The following SUGCT variants were observed in gnomAD, a reference collection of about 807,000 sequenced individuals.
SUGCT encodes the protein succinyl-CoA:glutarate CoA-transferase.
A neutral mutation model predicts 55.0 loss-of-function variants in SUGCT; 41 were observed. The observed-to-expected ratio is 0.74, with a 90% CI of 0.58 to 0.97. The LOEUF (loss-of-function observed/expected upper bound fraction) is 0.97, where lower values mean the gene tolerates loss of function less well. Ranked by LOEUF, SUGCT falls within the 50% of genes least tolerant of loss-of-function variation. The probability of loss-of-function intolerance (pLI) is 0.00; values close to 1 mark genes in which losing one functional copy is unlikely to be tolerated. For synonymous variants in SUGCT, 187 were observed against 200.4 expected, an observed-to-expected ratio of 0.93 and a Z score of 0.56; for missense variants, 568 against 547.8, an observed-to-expected ratio of 1.04 and a Z score of -0.37.
intron 9 of SUGCT, among the ~76,000 whole-genome samples, chr7:40,343,280 A>G (rs1199525559): frequency 6.6e-6 from 1 of 152,206 alleles, no homozygotes; most frequent in East Asian, 1.9e-4. Context: ...AATTACTTAT[A>G]TAATGTTAAT....
chr7:40,756,535 TTAGG>T (rs1373242975), intron 13 of SUGCT, among the ~76,000 whole-genome samples: 1 of 152,182 alleles, frequency 6.6e-6, no homozygotes, highest in Non-Finnish European at 1.5e-5. Flanking sequence ...TTTCTTCTCT[TTAGG>T]TAGAAAATTA....
intron 12 of SUGCT, among the ~76,000 whole-genome samples, chr7:40,556,682 C>T (rs1795576896): frequency 6.6e-6 from 1 of 152,178 alleles, no homozygotes; most frequent in African/African-American, 2.4e-5. Context: ...ATTATCTAAC[C>T]TTTTTGTGCT....
the SUGCT span, among the ~76,000 whole-genome samples, chr7:40,905,117 GTTGT>G: frequency 6.6e-6 from 1 of 152,134 alleles, no homozygotes; most frequent in East Asian, 1.9e-4. Context: ...ATCACTCATA[GTTGT>G]TTGAGAACTT....
At chr7:40,433,116 A>T (rs4434532) in intron 9 of SUGCT, among the ~76,000 whole-genome samples, 16,965 of 152,046 alleles carry the variant, frequency 0.11, 1,405 homozygotes, top group East Asian at 0.48. Flanking sequence ...TTTCCAATTT[A>T]GGGATTGTTT....
At chr7:40,770,726 A>G (rs1349067084) in intron 13 of SUGCT, among the ~76,000 whole-genome samples, 1 of 152,128 alleles carries the variant, frequency 6.6e-6, no homozygotes, top group African/African-American at 2.4e-5. Flanking sequence ...AATGGACAAC[A>G]AACCATATCT....
At chr7:40,447,419 T>C (rs1788900668) in intron 9 of SUGCT, among the ~76,000 whole-genome samples, 1 of 151,930 alleles carries the variant, frequency 6.6e-6, no homozygotes, top group African/African-American at 2.4e-5. Context: ...ATAAGAGACT[T>C]TCATGGAGGA....
chr7:40,185,480 C>T (rs79552849), intron 3 of SUGCT, among the ~76,000 whole-genome samples: 2,146 of 152,170 alleles, frequency 0.014, 43 homozygotes, highest in African/African-American at 0.05. Flanking sequence ...TATGTCTCAT[C>T]GCCATACACT....
At chr7:41,035,263 T>C in the SUGCT span, among the ~76,000 whole-genome samples, 1 of 152,200 alleles carries the variant, frequency 6.6e-6, no homozygotes, top group Admixed American at 6.5e-5. Context: ...CCAAATAAGA[T>C]GAATAGCAGG....
chr7:40,933,746 G>A, the SUGCT span, among the ~76,000 whole-genome samples: 1 of 152,150 alleles, frequency 6.6e-6, no homozygotes, highest in Non-Finnish European at 1.5e-5. Flanking sequence ...GCTCGTGCAT[G>A]CATCACAAAG....
chr7:40,278,457 C>G (rs559093518), intron 8 of SUGCT, among the ~76,000 whole-genome samples: 1 of 152,276 alleles, frequency 6.6e-6, no homozygotes, highest in South Asian at 2.1e-4. Context: ...AATCATGCTG[C>G]TATAAAGACA....
At chr7:40,428,095 C>T (rs1291577543) in intron 9 of SUGCT, among the ~76,000 whole-genome samples, 1 of 152,082 alleles carries the variant, frequency 6.6e-6, no homozygotes, top group African/African-American at 2.4e-5. Flanking sequence ...CTGTATCTTC[C>T]TGATAAATTG....
the SUGCT span, among the ~76,000 whole-genome samples, chr7:40,961,261 C>G: frequency 2.6e-5 from 4 of 152,160 alleles, no homozygotes; most frequent in Non-Finnish European, 4.4e-5. Context: ...ATATGTAGGC[C>G]CTTTCTAAGG....
At chr7:40,450,855 G>C (rs1789154294) in intron 10 of SUGCT, among the ~76,000 whole-genome samples, 1 of 151,992 alleles carries the variant, frequency 6.6e-6, no homozygotes, top group Non-Finnish European at 1.5e-5. Flanking sequence ...ACTTATTACT[G>C]TGCCTCTTTT....
intron 9 of SUGCT, among the ~76,000 whole-genome samples, chr7:40,385,889 T>C (rs982011937): frequency 1.7e-4 from 26 of 152,242 alleles, no homozygotes; most frequent in Admixed American, 1.5e-3. Flanking sequence ...AGTCCTTTCT[T>C]GCCAATTTTG....
chr7:40,351,568 C>T lies in SUGCT; in HGVS notation c.816+34713C>T, dbSNP rs954088132. Among the ~76,000 whole-genome samples, 8 of 152,056 alleles carry T rather than the reference C, an allele frequency of 5.3e-5. No homozygotes were observed. In the Middle Eastern group the frequency reaches 0.01, roughly 197 times the overall value. ...ATTATCCCATTAATTCACATAATACCTTTTTGGGTTAGGTAATAACTGTGA... is the reference window on the plus strand; with the variant it reads ...ATTATCCCATTAATTCACATAATACTTTTTTGGGTTAGGTAATAACTGTGA... On this transcript the variant is annotated intron_variant, in intron 9 of 13. Transcript: ENST00000335693.
chr7:40,695,302 A>G (rs1784876845), intron 12 of SUGCT, among the ~76,000 whole-genome samples: 2 of 151,364 alleles, frequency 1.3e-5, no homozygotes, highest in African/African-American at 4.9e-5. Context: ...GGCTCAAGCG[A>G]TCCTCCCACC....
chr7:40,223,980 G>A lies in SUGCT; in HGVS notation c.485-13655G>A, dbSNP rs139850486. ...CTAAAATGTCCTTTCACAGGCTGAC[G>A]TAGTGCTGCTATTTGGAGTGTGGGA... On this transcript the variant is annotated intron_variant, in intron 6 of 13. Coordinates refer to ENST00000335693, the MANE Select transcript of SUGCT (RefSeq NM_001193313.2). Among the ~76,000 whole-genome samples, 85 of 152,316 alleles carry A rather than the reference G, an allele frequency of 5.6e-4. 1 individual carries two copies. The highest frequency in any genetic ancestry group is 1.9e-3 in the African/African-American group (80 of 41,570).
chr7:40,803,188 T>C (rs1476504853), intron 13 of SUGCT, among the ~76,000 whole-genome samples: 1 of 152,168 alleles, frequency 6.6e-6, no homozygotes, highest in African/African-American at 2.4e-5. Context: ...AAAACTAAAT[T>C]TTCCCTCTTG....
intron 10 of SUGCT, among the ~76,000 whole-genome samples, chr7:40,458,848 T>C (rs1194928052): frequency 6.6e-6 from 1 of 152,228 alleles, no homozygotes. Flanking sequence ...CTTATGGGCA[T>C]CTTTTGCTGG....
Sources: allele counts gnomAD v4.1 joint callset (sites outside exome capture counted in the v4.1 genomes callset), GRCh38; gene constraint gnomAD v4.1.1; transcripts MANE v1.5; gene names NCBI Gene and HGNC (gene_info 2026-07-23, HGNC 2026-07-21).